MTCL2: variants seen among roughly 807,000 people sequenced by gnomAD.
MTCL2 encodes the protein microtubule crosslinking factor 2, also known as microtubule cross-linking factor 2.
At chr20:36,854,600 C>T in the MTCL2 span, among the ~76,000 whole-genome samples, 24 of 152,232 alleles carry the variant, frequency 1.6e-4, no homozygotes, top group Middle Eastern at 3.4e-3. Flanking sequence ...ACCACACAGG[C>T]TGCTCCACCA....
chr20:36,791,036 AT>A, the MTCL2 span, among the ~76,000 whole-genome samples: 84 of 147,708 alleles, frequency 5.7e-4, no homozygotes, highest in African/African-American at 8.6e-4. Flanking sequence ...AAACATTTAT[AT>A]TTTTTTTTTT....
the MTCL2 span, among the ~76,000 whole-genome samples, chr20:36,836,372 CAG>C: frequency 1.0e-5 from 1 of 96,842 alleles, no homozygotes; most frequent in African/African-American, 4.2e-5. Context: ...TTTTTTGAGA[CAG>C]AGTTTCACTC....
At chr20:36,825,312 A>C in the MTCL2 span, among the ~76,000 whole-genome samples, 1 of 152,204 alleles carries the variant, frequency 6.6e-6, no homozygotes. Flanking sequence ...AATTGCCAAC[A>C]AACAGTGGCA....
At chr20:36,848,748 A>G in the MTCL2 span, among the ~76,000 whole-genome samples, 8 of 152,212 alleles carry the variant, frequency 5.3e-5, no homozygotes, top group Admixed American at 2.0e-4. Flanking sequence ...GGAGTCCATG[A>G]ACTTGGAAAA....
chr20:36,799,313 A>G, the MTCL2 span, among the ~76,000 whole-genome samples: 1 of 152,058 alleles, frequency 6.6e-6, no homozygotes, highest in Non-Finnish European at 1.5e-5. Context: ...CAACATGGAG[A>G]AACCCTGTCT....
the MTCL2 span, among the ~76,000 whole-genome samples, chr20:36,812,159 T>C: frequency 6.6e-6 from 1 of 152,254 alleles, no homozygotes; most frequent in East Asian, 1.9e-4. Context: ...GTCCCAGAGA[T>C]GTGTCATTAT....
the MTCL2 span, among the ~76,000 whole-genome samples, chr20:36,833,346 C>A: frequency 2.6e-5 from 4 of 152,248 alleles, no homozygotes; most frequent in South Asian, 6.2e-4. Context: ...AAGGGAGGCG[C>A]GGCAGCTGCG....
chr20:36,815,450 A>T, the MTCL2 span: 1 of 1,609,246 alleles, frequency 6.2e-7, no homozygotes, highest in East Asian at 2.2e-5. The surrounding 1 kb of genome is among the most constrained non-coding windows in gnomAD (Gnocchi z 5.3). Context: ...CGATGGCCTT[A>T]CTGACCAGGG....
the MTCL2 span, among the ~76,000 whole-genome samples, chr20:36,838,728 G>A: frequency 6.6e-6 from 1 of 152,318 alleles, no homozygotes; most frequent in African/African-American, 2.4e-5. Context: ...AGCACTTTGG[G>A]AGGCCAAGGT....
the MTCL2 span, among the ~76,000 whole-genome samples, chr20:36,787,303 C>T: frequency 6.6e-6 from 1 of 152,060 alleles, no homozygotes; most frequent in African/African-American, 2.4e-5. Context: ...TCTTGACTCA[C>T]TACAACCTCC....
the MTCL2 span, among the ~76,000 whole-genome samples, chr20:36,845,486 A>G: frequency 6.6e-6 from 1 of 152,376 alleles, no homozygotes; most frequent in Admixed American, 6.5e-5. Flanking sequence ...TCAGGGGGCT[A>G]GTCCCAGCTG....
chr20:36,793,170 G>T, the MTCL2 span: 1 of 1,450,138 alleles, frequency 6.9e-7, no homozygotes, highest in South Asian at 1.4e-5. This position sits in a 1 kb window ranked among gnomAD's most constrained non-coding sequence, Gnocchi z 6.8. Flanking sequence ...CCATATCTCT[G>T]AACTTAAAAA....
At chr20:36,789,497 A>G in the MTCL2 span, among the ~76,000 whole-genome samples, 1 of 151,988 alleles carries the variant, frequency 6.6e-6, no homozygotes, top group Admixed American at 6.6e-5. Context: ...CCCTATTTCT[A>G]CTAAAAATAA....
At chr20:36,793,936 G>A in the MTCL2 span, 24 of 1,551,410 alleles carry the variant, frequency 1.5e-5, no homozygotes, top group Non-Finnish European at 1.9e-5. This position sits in a 1 kb window ranked among gnomAD's most constrained non-coding sequence, Gnocchi z 6.8. Flanking sequence ...CCGTGCGGAT[G>A]GTCTGTGTGC....
At chr20:36,791,242 C>A in the MTCL2 span, among the ~76,000 whole-genome samples, 1 of 151,878 alleles carries the variant, frequency 6.6e-6, no homozygotes. Context: ...ACCATATTGG[C>A]CAGGCTGATC....
the MTCL2 span, chr20:36,784,042 A>T: frequency 1.0e-6 from 1 of 985,580 alleles, no homozygotes; most frequent in Non-Finnish European, 1.2e-6. Context: ...ACAATCCTGG[A>T]CGGTACGATG....
the MTCL2 span, among the ~76,000 whole-genome samples, chr20:36,839,731 G>A: frequency 6.6e-5 from 10 of 152,338 alleles, no homozygotes; most frequent in South Asian, 1.2e-3. The surrounding 1 kb of genome is among the most constrained non-coding windows in gnomAD (Gnocchi z 5.1). Flanking sequence ...CTGTGATGAC[G>A]GAGGAAGGGG....
the MTCL2 span, among the ~76,000 whole-genome samples, chr20:36,806,209 A>G: frequency 1.3e-5 from 2 of 152,178 alleles, no homozygotes; most frequent in Admixed American, 1.3e-4. Context: ...ACAATGCTAC[A>G]TAAGGGTGAC....
chr20:36,847,439 C>T, the MTCL2 span, among the ~76,000 whole-genome samples: 44,711 of 152,062 alleles, frequency 0.29, 7,445 homozygotes, highest in Middle Eastern at 0.42. Context: ...TGTCAATCTT[C>T]CCCAAGAGCT....
Sources: allele counts gnomAD v4.1 joint callset (sites outside exome capture counted in the v4.1 genomes callset), GRCh38; gene constraint gnomAD v4.1.1; non-coding constraint Gnocchi (gnomAD v3.1); transcripts MANE v1.5; gene names NCBI Gene and HGNC (gene_info 2026-07-23, HGNC 2026-07-21).